The following ZNF469 variants were observed in gnomAD, a reference collection of about 807,000 sequenced individuals.
ZNF469 encodes zinc finger protein 469.
In ZNF469, 1 loss-of-function variant was observed where a neutral mutation model predicts 1.0. That is an observed-to-expected ratio of 1.00 (90% confidence interval 0.35 to 4.73). ZNF469 has a LOEUF of 4.73. Ranked by LOEUF, ZNF469 falls within the 30% of genes most tolerant of loss-of-function variation. The pLI, the probability that ZNF469 is intolerant of heterozygous loss-of-function variation, is 0.16. For missense variants in ZNF469, 6,100 were observed against 5,356.3 expected (o/e 1.14, Z -4.33); for synonymous variants, 2,703 against 2,363.4 (o/e 1.14, Z -4.17).
At chr16:88,369,268 C>T in the ZNF469 span, among the ~76,000 whole-genome samples, 4 of 152,182 alleles carry the variant, frequency 2.6e-5, no homozygotes, top group South Asian at 4.1e-4. Flanking sequence ...GTAGGCAGGA[C>T]GCCCAGCACA....
chr16:88,229,628 GGA>G, the ZNF469 span, among the ~76,000 whole-genome samples: 1 of 147,354 alleles, frequency 6.8e-6, no homozygotes, highest in Non-Finnish European at 1.5e-5. Context: ...TCACGCGTGT[GGA>G]TGTCACGTGT....
At chr16:88,260,202 T>A in the ZNF469 span, among the ~76,000 whole-genome samples, 2 of 151,928 alleles carry the variant, frequency 1.3e-5, no homozygotes, top group Non-Finnish European at 2.9e-5. The surrounding 1 kb of genome is among the most constrained non-coding windows in gnomAD (Gnocchi z 4.1). Context: ...TTGGTCAGGC[T>A]GGTCTCACAC....
At chr16:88,359,621 C>T in the ZNF469 span, among the ~76,000 whole-genome samples, 2 of 152,200 alleles carry the variant, frequency 1.3e-5, no homozygotes, top group African/African-American at 4.8e-5. Flanking sequence ...CTAAGATCAT[C>T]TCTGTCTTTT....
chr16:88,415,130 G>T (rs1455086004), intron 1 of ZNF469, among the ~76,000 whole-genome samples: 2 of 152,242 alleles, frequency 1.3e-5, no homozygotes, highest in Admixed American at 6.5e-5. Flanking sequence ...GAGCAATGGG[G>T]AGGAACAGAA....
intron 1 of ZNF469, among the ~76,000 whole-genome samples, chr16:88,410,118 T>C (rs1905110366): frequency 6.6e-6 from 1 of 152,214 alleles, no homozygotes; most frequent in South Asian, 2.1e-4. Flanking sequence ...GGAAGGTAAC[T>C]TAGCAGATCA....
At chr16:88,336,950 G>T in the ZNF469 span, among the ~76,000 whole-genome samples, 1 of 152,314 alleles carries the variant, frequency 6.6e-6, no homozygotes, top group Non-Finnish European at 1.5e-5. Context: ...TGCTGTGTTT[G>T]CCCCTTTGTG....
the ZNF469 span, among the ~76,000 whole-genome samples, chr16:88,364,138 G>A: frequency 2.0e-5 from 3 of 152,256 alleles, no homozygotes; most frequent in Non-Finnish European, 2.9e-5. Flanking sequence ...CTAAGATTCC[G>A]AAATTGAGTT....
intron 1 of ZNF469, among the ~76,000 whole-genome samples, chr16:88,407,083 A>C (rs1177099897): frequency 7.4e-6 from 1 of 134,294 alleles, no homozygotes; most frequent in East Asian, 2.1e-4. Context: ...TGACCGCCGC[A>C]CCTGGGCCTT....
At chr16:88,214,791 A>G in the ZNF469 span, among the ~76,000 whole-genome samples, 1 of 152,172 alleles carries the variant, frequency 6.6e-6, no homozygotes, top group African/African-American at 2.4e-5. Flanking sequence ...GCTGAGAATG[A>G]TGGTATCCAG....
the ZNF469 span, among the ~76,000 whole-genome samples, chr16:88,235,279 G>A: frequency 3.3e-5 from 5 of 152,168 alleles, no homozygotes; most frequent in Non-Finnish European, 5.9e-5. Context: ...CCGGGCTTCC[G>A]CACACATTTC....
At position 88,430,788 on chromosome 16, in the gene ZNF469, G is replaced by C; in HGVS notation, c.3318G>C (p.Pro1106=). ...SESEEDEQPP[P]RGPGFRGRRG... is the part of the protein sequence containing the mutation. ...CCGAGGAGGACGAGCAGCCTCCGCC[G>C]CGGGGCCCCGGCTTCAGAGGCCGGC... is the stretch of plus-strand genomic sequence containing the variant. Residue 1106 remains proline, a synonymous_variant, in exon 3 of 3, where the codon CCG becomes CCC. Transcript: ENST00000565624. 6.6e-7 allele frequency: 1 copy of C among 1,525,372 alleles called. No individual in the cohort carries two copies. Among genetic ancestry groups the C allele is most frequent in the Non-Finnish European group, 8.7e-7 (1 of 1,142,952 alleles). The allele number at this position is 1,525,372 out of a possible 1,614,324, so 94.5% of individuals were successfully genotyped here.
chr16:88,417,378 T>A (rs1248059467), intron 1 of ZNF469, among the ~76,000 whole-genome samples: 1 of 152,132 alleles, frequency 6.6e-6, no homozygotes, highest in Non-Finnish European at 1.5e-5. Flanking sequence ...ACCCCCGTCT[T>A]TGGATTTTAA....
intron 1 of ZNF469, among the ~76,000 whole-genome samples, chr16:88,386,897 G>A (rs754829091): frequency 3.3e-5 from 5 of 152,148 alleles, no homozygotes; most frequent in Admixed American, 6.5e-5. Flanking sequence ...CTCCCTCCCC[G>A]TGCTCATCAT....
chr16:88,132,544 C>T, the ZNF469 span, among the ~76,000 whole-genome samples: 2 of 152,238 alleles, frequency 1.3e-5, no homozygotes, highest in East Asian at 1.9e-4. Flanking sequence ...TCACACAACC[C>T]GGGGTCTTGG....
the ZNF469 span, among the ~76,000 whole-genome samples, chr16:88,110,584 C>T: frequency 6.6e-6 from 1 of 152,278 alleles, no homozygotes; most frequent in African/African-American, 2.4e-5. Context: ...TCAGGCCCGT[C>T]TCTGCCTCAG....
chr16:88,183,214 G>A, the ZNF469 span, among the ~76,000 whole-genome samples: 2 of 152,240 alleles, frequency 1.3e-5, no homozygotes, highest in Non-Finnish European at 2.9e-5. Flanking sequence ...CGCGGGCGTT[G>A]CTGGCGGGGG....
Position 88,432,332 on chromosome 16 carries a change from C to T in ZNF469, c.4862C>T (p.Thr1621Met), listed in dbSNP as rs764967759. The T allele has an allele frequency of 2.1e-5, 32 of 1,548,032 alleles. No individual in the cohort carries two copies. The highest frequency in any genetic ancestry group is 2.7e-5 in the Non-Finnish European group (31 of 1,146,894). Residue 1621 changes from threonine (T) to methionine (M), a missense_variant, in exon 3 of 3, where the codon ACG becomes ATG. Coordinates refer to ENST00000565624, the MANE Select transcript of ZNF469 (RefSeq NM_001367624.2). ...CAGGCCACCGTGCCCCACGAGGACA[C>T]GTTCTCGGCAGCTGACCTCACGCGC... ...TCQATVPHED[T>M]FSAADLTRVG...
At chr16:88,160,209 GC>G in the ZNF469 span, among the ~76,000 whole-genome samples, 1 of 152,222 alleles carries the variant, frequency 6.6e-6, no homozygotes, top group African/African-American at 2.4e-5. Context: ...AGGAGCCACG[GC>G]TGTCGCTTGC....
intron 1 of ZNF469, among the ~76,000 whole-genome samples, chr16:88,419,358 C>T (rs1354260942): frequency 6.6e-6 from 1 of 152,170 alleles, no homozygotes; most frequent in East Asian, 1.9e-4. Context: ...CGGTGCCTCC[C>T]AAACAGACCG....
Sources: allele counts gnomAD v4.1 joint callset (sites outside exome capture counted in the v4.1 genomes callset), GRCh38; gene constraint gnomAD v4.1.1; non-coding constraint Gnocchi (gnomAD v3.1); transcripts MANE v1.5; gene names NCBI Gene and HGNC (gene_info 2026-07-23, HGNC 2026-07-21).